Variants in PCM1 observed in about 807,000 individuals in gnomAD.
PCM1 encodes pericentriolar material 1, also known as pericentriolar material 1 protein.
PCM1 carries 157 observed loss-of-function variants against 241.9 expected under a neutral mutation model. The ratio of observed to expected loss-of-function variants is 0.65; its 90% confidence interval spans 0.57 to 0.74. The LOEUF (loss-of-function observed/expected upper bound fraction) is 0.74. PCM1 is among the 30% of genes least tolerant of loss of function. PCM1 has a pLI of 0.00. For synonymous variants in PCM1, 1,085 were observed against 784.9 expected, an observed-to-expected ratio of 1.38 and a Z score of -6.39; for missense variants, 3,478 against 2,360.1, an observed-to-expected ratio of 1.47 and a Z score of -9.81.
chr8:17,968,134 T>C (rs143742126), intron 21 of PCM1, among the ~76,000 whole-genome samples: 43 of 152,162 alleles, frequency 2.8e-4, no homozygotes, highest in African/African-American at 1.0e-3. Context: ...ATGAAAGGGC[T>C]TTCTAATAGA....
Position 17,966,345 on chromosome 8 carries a change from A to G in PCM1, c.3093A>G (p.Leu1031=), listed in dbSNP as rs1212857896. 3.1e-6 allele frequency: 5 copies of G among 1,613,796 alleles called. No homozygotes were observed. Among genetic ancestry groups the G allele is most frequent in the South Asian group, 1.1e-5 (1 of 91,086 alleles). ...MQDQQTLSCL[L]QTLLTGPYSV... is the part of the protein sequence containing the mutation. Reference sequence around the variant, plus strand: ...TTCAATAGACTCTATCTTGTCTGCTACAAACTCTTCTCACGGGTCCTTACA... The same window carrying G: ...TTCAATAGACTCTATCTTGTCTGCTGCAAACTCTTCTCACGGGTCCTTACA... Residue 1031 remains leucine, a synonymous_variant, in exon 20 of 39, where the codon CTA becomes CTG. Coordinates refer to ENST00000325083, the MANE Select transcript of PCM1 (RefSeq NM_006197.4).
rs1177844721 is a variant in PCM1, at chr8:17,966,025, C to T, written c.2882C>T (p.Ala961Val). The T allele has an allele frequency of 1.9e-6, 3 of 1,609,846 alleles. No homozygotes were observed. The highest frequency in any genetic ancestry group is 2.7e-5 in the African/African-American group (2 of 74,708). ...NRWKNNCPFS[A>V]DENYRPLAKT... Reference sequence around the variant, plus strand: ...TGGAAGAACAATTGCCCTTTTTCGGCAGATGAAAATTATCGTCCTTTAGCC... The same window carrying T: ...TGGAAGAACAATTGCCCTTTTTCGGTAGATGAAAATTATCGTCCTTTAGCC... The change falls in exon 19 of 39, where the codon GCA (alanine) becomes GTA (valine). Residue 961 changes from alanine to valine, a missense_variant. Transcript: ENST00000325083.
intron 2 of PCM1, among the ~76,000 whole-genome samples, chr8:17,933,583 T>C (rs1179723229): frequency 6.6e-6 from 1 of 152,192 alleles, no homozygotes; most frequent in Non-Finnish European, 1.5e-5. Flanking sequence ...ACATTTTTTC[T>C]CCCATATTGT....
At chr8:17,927,470 A>G (rs1489419012) in intron 2 of PCM1, 2 of 152,144 alleles carry the variant, frequency 1.3e-5, no homozygotes, top group African/African-American at 4.8e-5. Context: ...TTTCAAAGGT[A>G]AACTGTAGTC....
At chr8:18,021,801 A>G (rs2093775604) in intron 36 of PCM1, among the ~76,000 whole-genome samples, 1 of 152,158 alleles carries the variant, frequency 6.6e-6, no homozygotes, top group Non-Finnish European at 1.5e-5. Context: ...GAAAAACACA[A>G]ATTTGACCCC....
intron 8 of PCM1, among the ~76,000 whole-genome samples, chr8:17,951,946 G>A (rs1015511272): frequency 6.6e-6 from 1 of 152,134 alleles, no homozygotes; most frequent in Non-Finnish European, 1.5e-5. Flanking sequence ...AAAAAGGCCA[G>A]GTGCGGTGGC....
At chr8:17,959,951 A>G (rs937826861) in intron 13 of PCM1, 63 bp from the exon 14 acceptor site, 1 of 1,462,510 alleles carries the variant, frequency 6.8e-7, no homozygotes, top group African/African-American at 1.4e-5. Context: ...GTATTTACTA[A>G]GGTATGAATT....
chr8:17,956,106 C>T (rs1184440331), intron 10 of PCM1, among the ~76,000 whole-genome samples: 2 of 146,930 alleles, frequency 1.4e-5, no homozygotes, highest in African/African-American at 5.1e-5. Flanking sequence ...TGGCGCAGTT[C>T]CTGGCACTTA....
chr8:17,927,364 C>G (rs911686243), intron 2 of PCM1: 21 of 152,222 alleles, frequency 1.4e-4, no homozygotes, highest in African/African-American at 4.3e-4. Context: ...ATCCGCCTGC[C>G]TCAGCTTCCC....
At chr8:17,945,039 C>G (rs1165212962) in intron 6 of PCM1, among the ~76,000 whole-genome samples, 1 of 151,984 alleles carries the variant, frequency 6.6e-6, no homozygotes, top group Non-Finnish European at 1.5e-5. Flanking sequence ...TTTGATCAAC[C>G]TAGAGAGATT....
intron 6 of PCM1, chr8:17,940,139 C>G (rs1339062115): frequency 6.4e-7 from 1 of 1,552,884 alleles, no homozygotes; most frequent in African/African-American, 1.3e-5. Context: ...GATGTGCAGT[C>G]TGAGGCTTCA....
chr8:18,005,059 A>T (rs1288942040), intron 29 of PCM1, among the ~76,000 whole-genome samples: 46 of 152,094 alleles, frequency 3.0e-4, no homozygotes, highest in Non-Finnish European at 1.3e-4. Context: ...CAAGAGGTAA[A>T]ATACTTTCAC....
chr8:17,974,838 G>A (rs75416495), intron 23 of PCM1, among the ~76,000 whole-genome samples: 29 of 150,546 alleles, frequency 1.9e-4, no homozygotes, highest in Non-Finnish European at 2.7e-4. Flanking sequence ...CCATCTGTCA[G>A]TGAGTGCCCC....
intron 29 of PCM1, among the ~76,000 whole-genome samples, chr8:18,004,762 G>C (rs1239277689): frequency 6.6e-6 from 1 of 152,100 alleles, no homozygotes; most frequent in Non-Finnish European, 1.5e-5. Context: ...CTCCTCCTTA[G>C]AGTCATCAAT....
intron 9 of PCM1, among the ~76,000 whole-genome samples, chr8:17,954,182 C>A (rs1426007235): frequency 6.6e-6 from 1 of 152,082 alleles, no homozygotes; most frequent in East Asian, 1.9e-4. Context: ...AATCCCAGCA[C>A]CTTGGGAGGC....
At chr8:17,979,333 G>C (rs761540755) in intron 23 of PCM1, among the ~76,000 whole-genome samples, 2 of 152,148 alleles carry the variant, frequency 1.3e-5, no homozygotes, top group African/African-American at 2.4e-5. Context: ...GTAAATATTG[G>C]AAAAGGAAGG....
intron 2 of PCM1, among the ~76,000 whole-genome samples, chr8:17,929,305 T>C (rs559864157): frequency 7.5e-4 from 114 of 152,260 alleles, no homozygotes; most frequent in African/African-American, 2.4e-3. Context: ...TGTACCTTAT[T>C]AGTGTATTAG....
In PCM1 at chr8:17,938,897, G is replaced by C; in HGVS notation, c.500G>C (p.Gly167Ala). The C allele has an allele frequency of 1.2e-6, 2 of 1,613,752 alleles. No individual in the cohort carries two copies. The highest frequency in any genetic ancestry group is 1.1e-5 in the South Asian group (1 of 91,082). Residue 167 changes from glycine (G) to alanine (A), a missense_variant, in exon 5 of 39, where the codon GGA becomes GCA. Physicochemically the swap from Gly to Ala is moderately conservative, Grantham distance 60. Coordinates refer to ENST00000325083, the MANE Select transcript of PCM1 (RefSeq NM_006197.4). The stretch of plus-strand genomic sequence containing the variant: ...AACCCCCCAAACAGAGAAACGATTG[G>C]ATCAGCACAGTGTAAAGAGTTGTTT... ...STNPPNRETIGSAQCKELFAS... is the reference protein window; with the variant it reads ...STNPPNRETIASAQCKELFAS...
At chr8:17,960,773 C>G (rs2071456878) in intron 15 of PCM1, among the ~76,000 whole-genome samples, 3 of 152,054 alleles carry the variant, frequency 2.0e-5, no homozygotes, top group Admixed American at 2.0e-4. Context: ...ATTCGCCCGT[C>G]TCAGCCTCCC....
Sources: allele counts gnomAD v4.1 joint callset (sites outside exome capture counted in the v4.1 genomes callset), GRCh38; gene constraint gnomAD v4.1.1; transcripts MANE v1.5; gene names NCBI Gene and HGNC (gene_info 2026-07-23, HGNC 2026-07-21).